The following NEK11 variants were observed in gnomAD, a reference collection of about 807,000 sequenced individuals.
The protein encoded by NEK11 is serine/threonine-protein kinase Nek11.
Under a neutral mutation model 80.7 loss-of-function variants are expected in NEK11, and 72 were observed. That is an observed-to-expected ratio of 0.89 (90% confidence interval 0.74 to 1.08). NEK11 has a LOEUF of 1.08. Ranked by LOEUF, NEK11 falls within the 50% of genes least tolerant of loss-of-function variation. The pLI is 0.00. For missense variants in NEK11, 764 were observed against 763.6 expected (o/e 1.00, Z -0.01); for synonymous variants, 251 against 260.7 (o/e 0.96, Z 0.36).
chr3:131,333,029 T>C (rs1390795290), intron 17 of NEK11, among the ~76,000 whole-genome samples: 2 of 152,164 alleles, frequency 1.3e-5, no homozygotes, highest in Admixed American at 6.5e-5. Flanking sequence ...TGGAACCAAG[T>C]TGGAAAACAC....
chr3:131,126,959 C>CTTTT (rs71133688), intron 5 of NEK11, among the ~76,000 whole-genome samples: 643 of 90,090 alleles, frequency 7.1e-3, no homozygotes, highest in East Asian at 0.014. Flanking sequence ...TTCTTTCTTT[C>CTTTT]TTTTTTTTTT....
chr3:131,318,485 A>G (rs2096865648), intron 17 of NEK11, among the ~76,000 whole-genome samples: 1 of 152,178 alleles, frequency 6.6e-6, no homozygotes, highest in Admixed American at 6.5e-5. Context: ...TCAAAGGTAT[A>G]TACTTACAGA....
chr3:131,088,034 C>T (rs191807255), intron 4 of NEK11: 7 of 152,368 alleles, frequency 4.6e-5, no homozygotes, highest in Non-Finnish European at 8.8e-5. Flanking sequence ...GGACTGTCTT[C>T]AGTGGTTTGC....
chr3:131,093,430 ATT>A (rs11309261), intron 4 of NEK11, among the ~76,000 whole-genome samples: 5 of 150,920 alleles, frequency 3.3e-5, no homozygotes, highest in African/African-American at 4.9e-5. Flanking sequence ...CAGATGTGCA[ATT>A]TTTTTTTTTG....
intron 15 of NEK11, among the ~76,000 whole-genome samples, chr3:131,233,226 C>A (rs139125077): frequency 3.3e-5 from 5 of 152,248 alleles, no homozygotes; most frequent in African/African-American, 1.2e-4. Flanking sequence ...AGGTGTGTTG[C>A]TGGAGTCCAG....
At chr3:131,337,570 C>G (rs2097207477) in intron 17 of NEK11, among the ~76,000 whole-genome samples, 1 of 151,626 alleles carries the variant, frequency 6.6e-6, no homozygotes, top group Admixed American at 6.6e-5. Context: ...ACATATGTAA[C>G]TAACCTGCAC....
chr3:131,294,178 T>C (rs2096571096), intron 17 of NEK11, among the ~76,000 whole-genome samples: 1 of 152,104 alleles, frequency 6.6e-6, no homozygotes. Context: ...TATATCTTTC[T>C]TCCTTTCTAA....
intron 3 of NEK11, among the ~76,000 whole-genome samples, chr3:131,048,856 G>A (rs1309549140): frequency 2.6e-5 from 4 of 152,142 alleles, no homozygotes; most frequent in Non-Finnish European, 5.9e-5. Context: ...TGAGTGGAAT[G>A]ATGCATCATT....
chr3:131,203,763 GTGTGTATATATATATATATATATATATA>G (rs2094342921), intron 14 of NEK11, among the ~76,000 whole-genome samples: 2 of 35,526 alleles, frequency 5.6e-5, no homozygotes, highest in African/African-American at 2.3e-4. Context: ...GTGTGTGTGT[GTGTGTATATATATATATATATATATATA>G]TATATATATA....
intron 14 of NEK11, among the ~76,000 whole-genome samples, chr3:131,216,924 A>G (rs997031476): frequency 2.6e-5 from 4 of 152,188 alleles, no homozygotes; most frequent in Non-Finnish European, 4.4e-5. Context: ...TGGCATGTGG[A>G]GTAACAGCTT....
intron 3 of NEK11, among the ~76,000 whole-genome samples, chr3:131,036,180 T>G (rs904611222): frequency 6.6e-6 from 1 of 152,252 alleles, no homozygotes; most frequent in African/African-American, 2.4e-5. Context: ...GAACCCTTTC[T>G]GTGCATTTGG....
intron 5 of NEK11, among the ~76,000 whole-genome samples, chr3:131,122,920 T>C (rs1056765098): frequency 6.6e-6 from 1 of 152,164 alleles, no homozygotes; most frequent in Non-Finnish European, 1.5e-5. Flanking sequence ...CACTTGGGTG[T>C]CATGAAACAT....
chr3:131,039,089 T>C (rs1194244159), intron 3 of NEK11, among the ~76,000 whole-genome samples: 2 of 152,230 alleles, frequency 1.3e-5, no homozygotes, highest in African/African-American at 4.8e-5. Context: ...TAAGTTATTG[T>C]ATCTCATTTA....
intron 1 of NEK11, 83 bp downstream of exon 1, chr3:131,027,089 T>A (rs1411310123): frequency 6.6e-6 from 1 of 152,282 alleles, no homozygotes; most frequent in East Asian, 1.9e-4. Flanking sequence ...CGGGCTGGGT[T>A]CCGAATCTCT....
At chr3:131,106,948 C>A (rs2079273662) in intron 4 of NEK11, among the ~76,000 whole-genome samples, 1 of 152,004 alleles carries the variant, frequency 6.6e-6, no homozygotes, top group Non-Finnish European at 1.5e-5. Context: ...GATTACCCAC[C>A]CAGATGGCTA....
intron 15 of NEK11, among the ~76,000 whole-genome samples, chr3:131,232,279 T>C (rs1227074961): frequency 6.6e-6 from 1 of 152,158 alleles, no homozygotes; most frequent in East Asian, 1.9e-4. Flanking sequence ...CTAAAAAGTG[T>C]TTTATGCGCT....
At chr3:131,180,735 TAAA>T (rs2150161056) in intron 14 of NEK11, among the ~76,000 whole-genome samples, 1 of 152,320 alleles carries the variant, frequency 6.6e-6, no homozygotes, top group Non-Finnish European at 1.5e-5. Flanking sequence ...ATATCATTAA[TAAA>T]ACTACTGTCC....
intron 14 of NEK11, among the ~76,000 whole-genome samples, chr3:131,199,779 A>G (rs1165598105): frequency 6.6e-6 from 1 of 152,214 alleles, no homozygotes; most frequent in Non-Finnish European, 1.5e-5. Flanking sequence ...ACTAGTTTTC[A>G]TAAAGCTTAT....
At chr3:131,163,577 A>AG (rs1169471781) in intron 11 of NEK11, among the ~76,000 whole-genome samples, 1 of 152,082 alleles carries the variant, frequency 6.6e-6, no homozygotes, top group African/African-American at 2.4e-5. Context: ...TGGGGTTACT[A>AG]GGGGCAGGGG....
Sources: gnomAD v4.1 joint callset for allele counts (sites outside exome capture counted in the v4.1 genomes callset) on GRCh38, gnomAD v4.1.1 for gene constraint, MANE v1.5 for transcripts, NCBI Gene and HGNC (gene_info 2026-07-23, HGNC 2026-07-21) for gene names.